The following BCL2 variants were observed in gnomAD, a reference collection of about 807,000 sequenced individuals.
BCL2 encodes the protein apoptosis regulator Bcl-2.
Under a neutral mutation model 14.2 loss-of-function variants are expected in BCL2, and 1 was observed. That is an observed-to-expected ratio of 0.07 (90% CI 0.02 to 0.33). BCL2 has a LOEUF of 0.33. Among genes scored for constraint, BCL2 ranks in the 10% least tolerant of loss-of-function variants. The pLI is 0.99. For missense variants in BCL2, 247 were observed against 305.9 expected (o/e 0.81, Z 1.44); for synonymous variants, 151 against 137.2 (o/e 1.10, Z -0.70).
chr18:63,311,504 A>T (rs1035871746), intron 2 of BCL2, among the ~76,000 whole-genome samples: 1 of 152,348 alleles, frequency 6.6e-6, no homozygotes, highest in Middle Eastern at 3.4e-3. Flanking sequence ...CTGAAAAATT[A>T]AAGCTTCACT....
intron 2 of BCL2, among the ~76,000 whole-genome samples, chr18:63,249,794 A>C (rs1008280104): frequency 6.6e-6 from 1 of 151,734 alleles, no homozygotes; most frequent in Non-Finnish European, 1.5e-5. Context: ...GACATGCCTA[A>C]GATGTCACAA....
At chr18:63,288,293 G>A (rs1195905988) in intron 2 of BCL2, among the ~76,000 whole-genome samples, 1 of 152,174 alleles carries the variant, frequency 6.6e-6, no homozygotes, top group Non-Finnish European at 1.5e-5. Flanking sequence ...GAATGACACT[G>A]ACCCAGCAAA....
chr18:63,185,632 T>C (rs1030073363), intron 2 of BCL2, among the ~76,000 whole-genome samples: 16 of 152,362 alleles, frequency 1.1e-4, no homozygotes, highest in African/African-American at 3.1e-4. Context: ...TGCTGATCTG[T>C]GGCAGAGTCT....
At position 63,125,683 on chromosome 18, in the gene BCL2, AAGAAG is replaced by A. The variant is rs1913894386; in HGVS notation, c.*2937_*2941del. ...AAAATAATTAGATATAATGAAAAAA[AAGAAG>A]AGGAGAAAAAAATGACTAGTTGAGG... is the stretch of plus-strand genomic sequence containing the variant. On this transcript the variant is annotated 3_prime_UTR_variant, in exon 3 of 3. Transcript: ENST00000333681. 1 of 212,350 alleles carries A rather than the reference AAGAAG, an allele frequency of 4.7e-6. No individual in the cohort carries two copies. The highest frequency in any genetic ancestry group is 9.5e-6 in the Non-Finnish European group (1 of 104,840). The allele number at this position is 212,350 out of a possible 1,614,324, so 13.2% of individuals were successfully genotyped here. A position where few individuals can be genotyped will look rare whatever the true frequency, so the allele number is the denominator to read the frequency against.
intron 2 of BCL2, among the ~76,000 whole-genome samples, chr18:63,263,021 C>T (rs999386515): frequency 6.6e-6 from 1 of 152,158 alleles, no homozygotes; most frequent in African/African-American, 2.4e-5. Flanking sequence ...AGTAAAGAAG[C>T]TACTTCTGGA....
At chr18:63,274,570 C>G (rs1287289569) in intron 2 of BCL2, among the ~76,000 whole-genome samples, 1 of 152,112 alleles carries the variant, frequency 6.6e-6, no homozygotes, top group Non-Finnish European at 1.5e-5. Context: ...CAGGCATGAG[C>G]CACCATATGC....
At chr18:63,281,724 GAAAGAAAGAAAGAAA>G (rs1314933595) in intron 2 of BCL2, among the ~76,000 whole-genome samples, 1 of 127,850 alleles carries the variant, frequency 7.8e-6, no homozygotes, top group Non-Finnish European at 1.8e-5. Flanking sequence ...AAGAAAGAAA[GAAAGAAAGAAAGAAA>G]AAGAGAGAGG....
rs568132412 is a variant in BCL2 at position 63,128,383 on chromosome 18, TTAA to T, written c.*239_*241del. The stretch of plus-strand genomic sequence containing the variant: ...TCTTAAATAAATAAATCTTTTTTTC[TTAA>T]TAATGTAAAAAATAAATGATATTTC... On this transcript the variant is annotated 3_prime_UTR_variant, in exon 3 of 3. Coordinates refer to ENST00000333681, the MANE Select transcript of BCL2 (RefSeq NM_000633.3). 1.1e-3 allele frequency: 409 copies of T among 384,586 alleles called. 2 individuals carry two copies. The highest frequency in any genetic ancestry group is 7.8e-3 in the African/African-American group (384 of 49,144). The allele number at this position is 384,586 out of a possible 1,614,324, so 23.8% of individuals were successfully genotyped here.
At chr18:63,253,019 A>G (rs1304610153) in intron 2 of BCL2, among the ~76,000 whole-genome samples, 1 of 152,244 alleles carries the variant, frequency 6.6e-6, no homozygotes, top group Non-Finnish European at 1.5e-5. Flanking sequence ...AACTCTGTAC[A>G]CAAAAACACA....
At chr18:63,319,913 C>T (rs553589957), upstream of BCL2, 1 of 171,398 alleles carries the variant, frequency 5.8e-6, no homozygotes, top group Admixed American at 6.4e-5. Flanking sequence ...CACCCTTTCT[C>T]CTCCTCCTGG....
At chr18:63,273,516 G>A (rs1462409587) in intron 2 of BCL2, among the ~76,000 whole-genome samples, 1 of 152,094 alleles carries the variant, frequency 6.6e-6, no homozygotes, top group Non-Finnish European at 1.5e-5. Flanking sequence ...CAATGATAAA[G>A]AACTTAAAAG....
chr18:63,253,260 G>C (rs1568247832), intron 2 of BCL2, among the ~76,000 whole-genome samples: 1 of 152,202 alleles, frequency 6.6e-6, no homozygotes, highest in African/African-American at 2.4e-5. Context: ...AAAGGACAGA[G>C]CAGAGGTTTG....
chr18:63,166,092 G>A (rs1915037582), intron 2 of BCL2, among the ~76,000 whole-genome samples: 1 of 152,226 alleles, frequency 6.6e-6, no homozygotes, highest in African/African-American at 2.4e-5. Flanking sequence ...ATGAGGACCA[G>A]CTGCTGGCTG....
chr18:63,241,134 G>T (rs145180982), intron 2 of BCL2, among the ~76,000 whole-genome samples: 1 of 152,234 alleles, frequency 6.6e-6, no homozygotes, highest in Non-Finnish European at 1.5e-5. Context: ...ACAAAAGCAC[G>T]TGGTGAGCAA....
In BCL2 at chr18:63,215,974, T is replaced by A. The variant is rs546585611; in HGVS notation, c.586-87215A>T. On this transcript the variant is annotated intron_variant, in intron 2 of 2. Coordinates refer to ENST00000333681, the MANE Select transcript of BCL2 (RefSeq NM_000633.3). ...GAAAAGTCTTATGCCAGGCAATGTA[T>A]GTCCCCAGAGGAGGTGCAAGCAGGG... Among the ~76,000 whole-genome samples, 18 of 152,282 alleles carry A rather than the reference T, an allele frequency of 1.2e-4. No homozygotes were observed. The South Asian group carries it at 3.3e-3, about 28-fold the overall frequency.
At chr18:63,165,616 A>G (rs150001162) in intron 2 of BCL2, among the ~76,000 whole-genome samples, 1 of 152,352 alleles carries the variant, frequency 6.6e-6, no homozygotes, top group African/African-American at 2.4e-5. Flanking sequence ...ACAACCGGAA[A>G]AGGAGCCGTG....
intron 2 of BCL2, among the ~76,000 whole-genome samples, chr18:63,300,412 A>G (rs1412054527): frequency 1.3e-5 from 2 of 151,928 alleles, no homozygotes; most frequent in Non-Finnish European, 2.9e-5. Flanking sequence ...TGTTCAAAAA[A>G]AAAGAGAAAA....
At position 63,125,237 on chromosome 18, in the gene BCL2, G is replaced by C. The variant is rs1409867906; in HGVS notation, c.*3388C>G. 4.4e-6 allele frequency: 1 copy of C among 226,236 alleles called. No homozygotes were observed. Among genetic ancestry groups the C allele is most frequent in the Non-Finnish European group, 8.8e-6 (1 of 113,632 alleles). The allele number at this position is 226,236 out of a possible 1,614,324, so 14.0% of individuals were successfully genotyped here. On this transcript the variant is annotated 3_prime_UTR_variant, in exon 3 of 3. Coordinates refer to ENST00000333681, the MANE Select transcript of BCL2 (RefSeq NM_000633.3). The stretch of plus-strand genomic sequence containing the variant: ...GCCACATCTGAACACAGAGAGGTAA[G>C]TGAGCTGTGGAGAGAATGTTGGCGT...
intron 2 of BCL2, among the ~76,000 whole-genome samples, chr18:63,177,993 A>G (rs2144638181): frequency 6.6e-6 from 1 of 152,302 alleles, no homozygotes; most frequent in South Asian, 2.1e-4. Flanking sequence ...GGACTGGTGC[A>G]GCCACTTCCC....
Sources: gnomAD v4.1 joint callset for allele counts (sites outside exome capture counted in the v4.1 genomes callset) on GRCh38, gnomAD v4.1.1 for gene constraint, MANE v1.5 for transcripts, NCBI Gene and HGNC (gene_info 2026-07-23, HGNC 2026-07-21) for gene names.